Variants in MAP3K4 observed in about 807,000 individuals in gnomAD.
MAP3K4 encodes MAP three kinase 1.
In MAP3K4, 67 loss-of-function variants were observed where a neutral mutation model predicts 185.6. That is an observed-to-expected ratio of 0.36 (90% CI 0.30 to 0.44). The LOEUF (loss-of-function observed/expected upper bound fraction) is 0.44. Ranked by LOEUF, MAP3K4 falls within the 20% of genes least tolerant of loss-of-function variation. The probability of loss-of-function intolerance (pLI) is 1.00; values close to 1 mark genes in which losing one functional copy is unlikely to be tolerated. For synonymous variants in MAP3K4, 702 were observed against 710.4 expected (o/e 0.99, Z 0.19); for missense variants, 1,551 against 1,995.1 (o/e 0.78, Z 4.24).
chr6:161,010,068 A>G (rs1335466762), intron 1 of MAP3K4, among the ~76,000 whole-genome samples: 1 of 152,238 alleles, frequency 6.6e-6, no homozygotes, highest in Non-Finnish European at 1.5e-5. Context: ...TGCATTTTAA[A>G]TCGTGAGGTT....
chr6:161,031,770 A>G (rs1056581823), intron 1 of MAP3K4, among the ~76,000 whole-genome samples: 1 of 152,200 alleles, frequency 6.6e-6, no homozygotes, highest in Non-Finnish European at 1.5e-5. Flanking sequence ...AATGGTTAGA[A>G]TGTAGACCTT....
In MAP3K4 at chr6:161,076,713, G is replaced by C. The variant is rs1785194337; in HGVS notation, c.2097+3101G>C. Among the ~76,000 whole-genome samples the C allele has an allele frequency of 6.6e-6, 1 of 152,196 alleles. No homozygotes were observed. Among genetic ancestry groups the C allele is most frequent in the Non-Finnish European group, 1.5e-5 (1 of 68,040 alleles). Reference sequence around the variant, plus strand: ...TGGTAGTTGTAGAAGAGACACAAGAGAGCTCACATGTACACAATTTGAGTT... The same window carrying C: ...TGGTAGTTGTAGAAGAGACACAAGACAGCTCACATGTACACAATTTGAGTT... On this transcript the variant is annotated intron_variant, in intron 5 of 26. Coordinates refer to ENST00000392142, the MANE Select transcript of MAP3K4 (RefSeq NM_005922.4). The surrounding 1 kb of genome is among the most constrained non-coding windows in gnomAD (Gnocchi z 4.2).
chr6:161,090,404 G>A (rs191181017), intron 11 of MAP3K4, among the ~76,000 whole-genome samples: 3 of 151,956 alleles, frequency 2.0e-5, no homozygotes, highest in African/African-American at 4.8e-5. Flanking sequence ...GTTTGGGCCC[G>A]TAACTCTTGG....
Position 161,070,153 on chromosome 6 carries a change from A to G in MAP3K4, c.1708-455A>G, listed in dbSNP as rs1309245875. Among the ~76,000 whole-genome samples, 1 of 152,168 alleles carries G rather than the reference A, an allele frequency of 6.6e-6. No homozygotes were observed. The highest frequency in any genetic ancestry group is 2.4e-5 in the African/African-American group (1 of 41,448). ...GAATTAGTGGAACTGATTAGTTTTTATGTTTTCATAAATGGCTACTTAGGA... is the reference window on the plus strand; with the variant it reads ...GAATTAGTGGAACTGATTAGTTTTTGTGTTTTCATAAATGGCTACTTAGGA... On this transcript the variant is annotated intron_variant, in intron 3 of 26. Transcript: ENST00000392142. This position sits in a 1 kb window ranked among gnomAD's most constrained non-coding sequence, Gnocchi z 4.5.
chr6:161,065,937 C>CAA (rs34648628), intron 3 of MAP3K4, among the ~76,000 whole-genome samples: 13,051 of 78,308 alleles, frequency 0.17, 1,535 homozygotes, highest in East Asian at 0.41. Flanking sequence ...GACTCCGTCT[C>CAA]AAAAAAAAAA....
At chr6:161,052,978 G>T (rs551708776) in intron 3 of MAP3K4, among the ~76,000 whole-genome samples, 1 of 152,312 alleles carries the variant, frequency 6.6e-6, no homozygotes, top group South Asian at 2.1e-4. Flanking sequence ...TCACAAGGTG[G>T]TTGTTGTGAG....
At chr6:161,058,153 G>C (rs892697468) in intron 3 of MAP3K4, among the ~76,000 whole-genome samples, 1 of 152,234 alleles carries the variant, frequency 6.6e-6, no homozygotes, top group African/African-American at 2.4e-5. Flanking sequence ...TGGCTGTAAA[G>C]CCATGTATGC....
chr6:161,020,273 G>C lies in MAP3K4; in HGVS notation c.153-13986G>C, dbSNP rs938791768. On this transcript the variant is annotated intron_variant, in intron 1 of 26. Coordinates refer to ENST00000392142, the MANE Select transcript of MAP3K4 (RefSeq NM_005922.4). ...GAAAACTATGGACTTTTCTTTGTTT[G>C]TTTGTTTGTTTGTTTGTTTGAGACA... Among the ~76,000 whole-genome samples, 106 of 129,604 alleles carry C rather than the reference G, an allele frequency of 8.2e-4. 1 individual carries two copies. The highest frequency in any genetic ancestry group is 4.5e-3 in the Middle Eastern group (1 of 220). 85.0% of individuals were successfully genotyped at this position (129,604 alleles called of 152,430 possible).
chr6:161,105,047 A>G (rs1778006904), intron 19 of MAP3K4, among the ~76,000 whole-genome samples: 1 of 152,218 alleles, frequency 6.6e-6, no homozygotes, highest in Non-Finnish European at 1.5e-5. Context: ...GTGTTGTCAT[A>G]GAGAAGTGGA....
At chr6:161,094,420 C>T (rs1483361840) in intron 15 of MAP3K4, among the ~76,000 whole-genome samples, 1 of 152,140 alleles carries the variant, frequency 6.6e-6, no homozygotes, top group African/African-American at 2.4e-5. Context: ...TACAATTTTA[C>T]AGTAACAATG....
Position 161,029,215 on chromosome 6 carries a change from G to A in MAP3K4, c.153-5044G>A, listed in dbSNP as rs139115090. Among the ~76,000 whole-genome samples the A allele has an allele frequency of 1.9e-3, 293 of 151,656 alleles. 3 individuals are homozygous for A. Among genetic ancestry groups the A allele is most frequent in the African/African-American group, 6.5e-3 (270 of 41,306 alleles). ...ATATCCATTTATTTCGAAGGATGTC[G>A]CTAAATGAAGTGTTTTGGGTTTTTT... On this transcript the variant is annotated intron_variant, in intron 1 of 26. Coordinates refer to ENST00000392142, the MANE Select transcript of MAP3K4 (RefSeq NM_005922.4).
chr6:161,059,328 G>A (rs1433892758), intron 3 of MAP3K4, among the ~76,000 whole-genome samples: 3 of 151,994 alleles, frequency 2.0e-5, no homozygotes, highest in Non-Finnish European at 4.4e-5. Context: ...GTAGAGATGG[G>A]GTTTCATTAT....
chr6:161,019,888 G>T (rs537864978), intron 1 of MAP3K4, among the ~76,000 whole-genome samples: 1 of 151,996 alleles, frequency 6.6e-6, no homozygotes, highest in Non-Finnish European at 1.5e-5. Context: ...ATTTTTGTAG[G>T]GTATATGGAG....
intron 3 of MAP3K4, among the ~76,000 whole-genome samples, chr6:161,057,863 A>G (rs1784313074): frequency 6.6e-6 from 1 of 152,244 alleles, no homozygotes; most frequent in African/African-American, 2.4e-5. Context: ...TCTTAAACAT[A>G]CAAACATACA....
rs141666247 is a variant in MAP3K4 at position 161,034,969 on chromosome 6, G to C, written c.343+520G>C. On this transcript the variant is annotated intron_variant, in intron 2 of 26. Coordinates refer to ENST00000392142, the MANE Select transcript of MAP3K4 (RefSeq NM_005922.4). This position sits in a 1 kb window ranked among gnomAD's most constrained non-coding sequence, Gnocchi z 4.4. ...ACACCTAACAACCATGACAGAACCT[G>C]CTTTCTACTTTTCTCTTTATTTAGG... Among the ~76,000 whole-genome samples, 117 of 152,222 alleles carry C rather than the reference G, an allele frequency of 7.7e-4. 2 individuals are homozygous for C. In the East Asian group the frequency reaches 0.019, roughly 25 times the overall value.
intron 17 of MAP3K4, among the ~76,000 whole-genome samples, chr6:161,099,716 A>G (rs1777743523): frequency 6.6e-6 from 1 of 152,210 alleles, no homozygotes; most frequent in Non-Finnish European, 1.5e-5. Context: ...CCATGTTCAC[A>G]TGAGACTGCT....
intron 3 of MAP3K4, among the ~76,000 whole-genome samples, chr6:161,069,148 A>G (rs1320589532): frequency 1.3e-5 from 2 of 152,170 alleles, no homozygotes; most frequent in Non-Finnish European, 2.9e-5. Flanking sequence ...AAATGAAGAA[A>G]TCAACCCTGA....
intron 2 of MAP3K4, among the ~76,000 whole-genome samples, chr6:161,046,940 TTATATTAA>T (rs1260587582): frequency 6.8e-6 from 1 of 147,578 alleles, no homozygotes; most frequent in Non-Finnish European, 1.5e-5. Flanking sequence ...AGTATAATTA[TTATATTAA>T]TATATATAAT....
At position 161,108,597 on chromosome 6, in the gene MAP3K4, T is replaced by A. The variant is rs1423045919; in HGVS notation, c.4120-146T>A. 2 of 630,578 alleles carry A rather than the reference T, an allele frequency of 3.2e-6. No individual in the cohort carries two copies. Among genetic ancestry groups the A allele is most frequent in the Non-Finnish European group, 5.6e-6 (2 of 354,590 alleles). 39.1% of individuals were successfully genotyped at this position (630,578 alleles called of 1,614,324 possible). ...CTTCACTCTAGCTTGGCTAAAAACT[T>A]CCTTTTTACTTAATTTTTTGTTGTT... On this transcript the variant is annotated intron_variant, in intron 21 of 26. Transcript: ENST00000392142. This position sits in a 1 kb window ranked among gnomAD's most constrained non-coding sequence, Gnocchi z 5.7.
Sources: gnomAD v4.1 joint callset for allele counts (sites outside exome capture counted in the v4.1 genomes callset) on GRCh38, gnomAD v4.1.1 for gene constraint, Gnocchi (gnomAD v3.1) non-coding constraint, MANE v1.5 for transcripts, NCBI Gene and HGNC (gene_info 2026-07-23, HGNC 2026-07-21) for gene names.